Variants in SCMH1 observed in about 807,000 individuals in gnomAD.
The protein encoded by SCMH1 is polycomb protein SCMH1.
A neutral mutation model predicts 70.8 loss-of-function variants in SCMH1; 37 were observed. The ratio of observed to expected loss-of-function variants is 0.52; its 90% confidence interval spans 0.40 to 0.69. The LOEUF (loss-of-function observed/expected upper bound fraction) is 0.69. SCMH1 is among the 30% of genes least tolerant of loss of function. The probability of loss-of-function intolerance (pLI) is 0.00; values close to 1 mark genes in which losing one functional copy is unlikely to be tolerated. For missense variants in SCMH1, 607 were observed against 827.3 expected, an observed-to-expected ratio of 0.73 and a Z score of 3.27; for synonymous variants, 292 against 307.4, an observed-to-expected ratio of 0.95 and a Z score of 0.52.
intron 6 of SCMH1, among the ~76,000 whole-genome samples, chr1:41,136,151 G>T (rs768904799): frequency 6.6e-6 from 1 of 151,782 alleles, no homozygotes; most frequent in Non-Finnish European, 1.5e-5. Context: ...TTGCCATGCT[G>T]CCCAGGCTGG....
chr1:41,029,679 G>GA (rs1644253049), intron 13 of SCMH1, among the ~76,000 whole-genome samples: 1 of 152,030 alleles, frequency 6.6e-6, no homozygotes, highest in Non-Finnish European at 1.5e-5. Context: ...TCTCTGCTTG[G>GA]AATCTGTCCC....
chr1:41,233,418 TATCA>T (rs1334150941), intron 1 of SCMH1, among the ~76,000 whole-genome samples: 1 of 152,146 alleles, frequency 6.6e-6, no homozygotes, highest in Non-Finnish European at 1.5e-5. Flanking sequence ...AAATTGTCAC[TATCA>T]ATCATAGTTA....
At chr1:41,148,197 C>A (rs1230459138) in intron 5 of SCMH1, among the ~76,000 whole-genome samples, 2 of 152,146 alleles carry the variant, frequency 1.3e-5, no homozygotes, top group Non-Finnish European at 2.9e-5. Flanking sequence ...TCCCTTCCTG[C>A]CTTTGTGCTA....
chr1:41,111,379 G>A (rs138022270), intron 8 of SCMH1, among the ~76,000 whole-genome samples: 299 of 152,188 alleles, frequency 2.0e-3, no homozygotes, highest in African/African-American at 6.8e-3. Flanking sequence ...TCGCTCTGTC[G>A]CCCAGGCTGC....
rs541199712 is a variant in SCMH1 at position 41,057,688 on chromosome 1, T to C, written c.1106-8798A>G. Among the ~76,000 whole-genome samples the C allele has an allele frequency of 4.1e-4, 62 of 152,170 alleles. No individual in the cohort carries two copies. The South Asian group carries it at 0.012, about 31-fold the overall frequency. On this transcript the variant is annotated intron_variant, in intron 10 of 14. Transcript: ENST00000337495. ...GATGCTGGAATTATCAGACTGGGAA[T>C]TTAAAACAACTATGATTAACATGCT... is the stretch of plus-strand genomic sequence containing the variant.
upstream of SCMH1, chr1:41,242,208 G>T (rs1253875419): frequency 6.8e-6 from 1 of 145,994 alleles, no homozygotes; most frequent in Non-Finnish European, 1.5e-5. The surrounding 1 kb of genome is among the most constrained non-coding windows in gnomAD (Gnocchi z 5.2). Flanking sequence ...CCGAGCTGGC[G>T]GTGGCGGCTG....
chr1:41,091,550 G>C (rs1201000141), intron 8 of SCMH1, among the ~76,000 whole-genome samples: 1 of 152,210 alleles, frequency 6.6e-6, no homozygotes, highest in Middle Eastern at 3.2e-3. Flanking sequence ...TCAGGCAAGA[G>C]AAAGAAATAA....
At chr1:41,079,490 A>G (rs1285394622) in intron 8 of SCMH1, among the ~76,000 whole-genome samples, 1 of 152,202 alleles carries the variant, frequency 6.6e-6, no homozygotes, top group African/African-American at 2.4e-5. Context: ...AAGAAAACTA[A>G]TAACATGAAT....
intron 7 of SCMH1, among the ~76,000 whole-genome samples, chr1:41,116,076 T>A (rs945918195): frequency 6.6e-6 from 1 of 152,360 alleles, no homozygotes; most frequent in East Asian, 1.9e-4. Flanking sequence ...TTCTTCTATT[T>A]TCCCCCTCCA....
intron 13 of SCMH1, among the ~76,000 whole-genome samples, chr1:41,037,011 G>A (rs1645395592): frequency 1.3e-5 from 2 of 151,380 alleles, no homozygotes; most frequent in Admixed American, 6.6e-5. Flanking sequence ...CTGTTTACGT[G>A]TCTCTCTCAC....
chr1:41,062,516 C>G (rs1653034421), intron 10 of SCMH1, among the ~76,000 whole-genome samples: 1 of 151,576 alleles, frequency 6.6e-6, no homozygotes, highest in South Asian at 2.1e-4. Context: ...CTGAGGTGGG[C>G]AGATCATGAG....
At chr1:41,185,353 T>C (rs1161441670) in intron 2 of SCMH1, among the ~76,000 whole-genome samples, 4 of 152,190 alleles carry the variant, frequency 2.6e-5, no homozygotes, top group Non-Finnish European at 5.9e-5. Flanking sequence ...GACTGGCTAC[T>C]CTTCCGTATT....
intron 10 of SCMH1, among the ~76,000 whole-genome samples, chr1:41,062,517 A>G (rs11586714): frequency 0.078 from 11,855 of 151,878 alleles, 594 homozygotes; most frequent in South Asian, 0.13. Context: ...TGAGGTGGGC[A>G]GATCATGAGG....
intron 8 of SCMH1, among the ~76,000 whole-genome samples, chr1:41,086,966 G>A (rs1340280727): frequency 6.6e-6 from 1 of 151,174 alleles, no homozygotes; most frequent in African/African-American, 2.4e-5. Flanking sequence ...TGTGAGAGCT[G>A]AGGGAATTAG....
chr1:41,227,766 G>A (rs921187788), intron 1 of SCMH1, among the ~76,000 whole-genome samples: 5 of 152,108 alleles, frequency 3.3e-5, no homozygotes, highest in African/African-American at 9.7e-5. Context: ...CAGATCATGA[G>A]GTCAGGTCAA....
chr1:41,039,144 C>G (rs1405820768), intron 12 of SCMH1, among the ~76,000 whole-genome samples: 1 of 152,204 alleles, frequency 6.6e-6, no homozygotes, highest in Non-Finnish European at 1.5e-5. Flanking sequence ...TCTTCTAGTT[C>G]TCATTTTATT....
Position 41,122,137 on chromosome 1 carries a change from G to A in SCMH1, c.413-5127C>T, listed in dbSNP as rs562730409. The stretch of plus-strand genomic sequence containing the variant: ...TATAAATCAGGTCACATTACCTTAT[G>A]CTCAAATTTCACAACACAAAACAGA... On this transcript the variant is annotated intron_variant, in intron 6 of 14. Transcript: ENST00000337495. Among the ~76,000 whole-genome samples, 32 of 152,234 alleles carry A rather than the reference G, an allele frequency of 2.1e-4. No homozygotes were observed. The South Asian group carries it at 6.6e-3, about 32-fold the overall frequency.
intron 12 of SCMH1, among the ~76,000 whole-genome samples, chr1:41,038,464 GT>G (rs1183750090): frequency 4.6e-5 from 7 of 152,160 alleles, no homozygotes; most frequent in Non-Finnish European, 8.8e-5. Flanking sequence ...GACATCAAGT[GT>G]TTAGGTAATG....
chr1:41,034,625 C>A (rs1001284355), intron 13 of SCMH1, among the ~76,000 whole-genome samples: 1 of 152,180 alleles, frequency 6.6e-6, no homozygotes, highest in African/African-American at 2.4e-5. Flanking sequence ...CCGTGCCCGG[C>A]CGAGGTGACT....
Sources: allele counts gnomAD v4.1 joint callset (sites outside exome capture counted in the v4.1 genomes callset), GRCh38; gene constraint gnomAD v4.1.1; non-coding constraint Gnocchi (gnomAD v3.1); transcripts MANE v1.5; gene names NCBI Gene and HGNC (gene_info 2026-07-23, HGNC 2026-07-21).